The following TMEM163 variants were observed in gnomAD, a reference collection of about 807,000 sequenced individuals.
TMEM163 encodes transmembrane protein 163.
In TMEM163, 17 loss-of-function variants were observed where a neutral mutation model predicts 29.3. That is an observed-to-expected ratio of 0.58 (90% CI 0.40 to 0.87). TMEM163 has a LOEUF of 0.87. Among genes scored for constraint, TMEM163 ranks in the 40% least tolerant of loss-of-function variants. The pLI, the probability that TMEM163 is intolerant of heterozygous loss-of-function variation, is 0.00. For missense variants in TMEM163, 303 were observed against 381.5 expected (o/e 0.79, Z 1.71); for synonymous variants, 157 against 160.6 (o/e 0.98, Z 0.17).
At chr2:134,480,403 C>CT (rs35708973) in intron 5 of TMEM163, among the ~76,000 whole-genome samples, 118,013 of 152,062 alleles carry the variant, frequency 0.78, 47,347 homozygotes, top group East Asian at 1. Flanking sequence ...TCCTCACCCC[C>CT]GATCTTTCTT....
intron 2 of TMEM163, among the ~76,000 whole-genome samples, chr2:134,557,629 T>A (rs1328256085): frequency 6.6e-6 from 1 of 152,210 alleles, no homozygotes; most frequent in Non-Finnish European, 1.5e-5. Context: ...AAGTCTTTGA[T>A]TAGCCTTTCA....
chr2:134,707,342 A>G (rs1186204137), intron 2 of TMEM163, among the ~76,000 whole-genome samples: 5 of 152,224 alleles, frequency 3.3e-5, no homozygotes, highest in Non-Finnish European at 7.3e-5. Flanking sequence ...GGGCCTGGAC[A>G]TGCACAGAAA....
intron 2 of TMEM163, among the ~76,000 whole-genome samples, chr2:134,705,331 C>T: frequency 6.6e-6 from 1 of 151,942 alleles, no homozygotes; most frequent in East Asian, 1.9e-4. Flanking sequence ...TAAGGTGGGC[C>T]CTAATCCATA....
chr2:134,573,336 T>C (rs1234669473), intron 2 of TMEM163, among the ~76,000 whole-genome samples: 1 of 152,178 alleles, frequency 6.6e-6, no homozygotes, highest in Non-Finnish European at 1.5e-5. Flanking sequence ...TAGAAGGGGC[T>C]CAGTCTAGAA....
At chr2:134,638,704 T>C (rs1192184060) in intron 2 of TMEM163, among the ~76,000 whole-genome samples, 1 of 151,900 alleles carries the variant, frequency 6.6e-6, no homozygotes, top group Non-Finnish European at 1.5e-5. Context: ...GCAGAGCAAG[T>C]GGGTAGGACA....
intron 4 of TMEM163, among the ~76,000 whole-genome samples, chr2:134,517,648 G>A (rs1680103916): frequency 6.6e-6 from 1 of 152,134 alleles, no homozygotes; most frequent in Admixed American, 6.6e-5. Context: ...AAAAAAAATG[G>A]AAAATATCTC....
At chr2:134,645,691 A>C (rs1683320904) in intron 2 of TMEM163, among the ~76,000 whole-genome samples, 1 of 152,246 alleles carries the variant, frequency 6.6e-6, no homozygotes, top group South Asian at 2.1e-4. Context: ...CAAAGGCATT[A>C]AGCTGAGTTA....
intron 2 of TMEM163, among the ~76,000 whole-genome samples, chr2:134,650,847 T>C (rs1293695807): frequency 1.5e-5 from 2 of 135,506 alleles, no homozygotes; most frequent in Non-Finnish European, 3.0e-5. Context: ...TCCAATTTCA[T>C]CCATGTCCCT....
chr2:134,588,822 T>C (rs1362592664), intron 2 of TMEM163, among the ~76,000 whole-genome samples: 1 of 151,868 alleles, frequency 6.6e-6, no homozygotes, highest in Non-Finnish European at 1.5e-5. Flanking sequence ...CATGGAAGGA[T>C]GGCAAGTAAA....
intron 4 of TMEM163, among the ~76,000 whole-genome samples, chr2:134,523,715 A>C (rs1240200913): frequency 6.6e-6 from 1 of 152,188 alleles, no homozygotes; most frequent in Non-Finnish European, 1.5e-5. Context: ...AGTCAAAGAA[A>C]TAAAGTTTCC....
intron 2 of TMEM163, among the ~76,000 whole-genome samples, chr2:134,660,125 C>T (rs1453400533): frequency 1.3e-5 from 2 of 152,184 alleles, no homozygotes; most frequent in East Asian, 1.9e-4. Flanking sequence ...GCAAGTGCTC[C>T]TATGAGGTGG....
At chr2:134,617,319 C>T (rs921024618) in intron 2 of TMEM163, among the ~76,000 whole-genome samples, 6 of 152,112 alleles carry the variant, frequency 3.9e-5, no homozygotes, top group Non-Finnish European at 8.8e-5. Context: ...GTTTAAAAAT[C>T]AGAGGAATTG....
chr2:134,604,121 A>T (rs1682297087), intron 2 of TMEM163, among the ~76,000 whole-genome samples: 1 of 152,214 alleles, frequency 6.6e-6, no homozygotes, highest in East Asian at 1.9e-4. Flanking sequence ...CCGCTGTCAG[A>T]TTAACTTCTG....
chr2:134,718,046 A>C (rs1685072412), intron 1 of TMEM163, among the ~76,000 whole-genome samples: 1 of 152,184 alleles, frequency 6.6e-6, no homozygotes, highest in African/African-American at 2.4e-5. Flanking sequence ...CGCCCTCCGG[A>C]AACATCAGGT....
intron 4 of TMEM163, among the ~76,000 whole-genome samples, chr2:134,535,171 G>A (rs1220053314): frequency 6.6e-6 from 1 of 152,220 alleles, no homozygotes; most frequent in Non-Finnish European, 1.5e-5. Context: ...AGGAGAATTT[G>A]AACTTGGATT....
chr2:134,656,621 G>A (rs973254095), intron 2 of TMEM163, among the ~76,000 whole-genome samples: 2 of 152,190 alleles, frequency 1.3e-5, no homozygotes, highest in African/African-American at 4.8e-5. Context: ...CAAGGTCATC[G>A]AATGCTATGT....
intron 2 of TMEM163, among the ~76,000 whole-genome samples, chr2:134,594,851 GTC>G (rs70973456): frequency 0.15 from 21,838 of 147,628 alleles, 2,245 homozygotes; most frequent in East Asian, 0.35. Flanking sequence ...GAGACCTTGA[GTC>G]TCTCTCTCTC....
At chr2:134,669,146 G>C (rs1469478094) in intron 2 of TMEM163, among the ~76,000 whole-genome samples, 1 of 152,174 alleles carries the variant, frequency 6.6e-6, no homozygotes. Flanking sequence ...CTTTGATCAC[G>C]ACCAGGATAT....
At chr2:134,620,635 G>T (rs1177601239) in intron 2 of TMEM163, among the ~76,000 whole-genome samples, 1 of 152,174 alleles carries the variant, frequency 6.6e-6, no homozygotes, top group Non-Finnish European at 1.5e-5. Flanking sequence ...ATGTATAAAT[G>T]AAATATAGTT....
Sources: gnomAD v4.1 joint callset for allele counts (sites outside exome capture counted in the v4.1 genomes callset) on GRCh38, gnomAD v4.1.1 for gene constraint, MANE v1.5 for transcripts, NCBI Gene and HGNC (gene_info 2026-07-23, HGNC 2026-07-21) for gene names.